CD1B: variants seen among roughly 807,000 people sequenced by gnomAD.
The protein encoded by CD1B is T-cell surface glycoprotein CD1b.
A neutral mutation model predicts 39.8 loss-of-function variants in CD1B; 43 were observed. The ratio of observed to expected loss-of-function variants is 1.08; its 90% CI spans 0.85 to 1.39. CD1B has a LOEUF of 1.39. Ranked by LOEUF, CD1B falls within the 40% of genes most tolerant of loss-of-function variation. The pLI is 0.00. For missense variants in CD1B, 495 were observed against 403.8 expected (o/e 1.23, Z -1.94); for synonymous variants, 192 against 152.5 (o/e 1.26, Z -1.91).
At chr1:158,296,469 G>A in the CD1B span, among the ~76,000 whole-genome samples, 1,363 of 152,256 alleles carry the variant, frequency 9.0e-3, 9 homozygotes, top group Non-Finnish European at 0.013. Flanking sequence ...AACTTTAAAC[G>A]TTTAAGGAAC....
the CD1B span, among the ~76,000 whole-genome samples, chr1:158,314,683 T>C: frequency 6.6e-6 from 1 of 152,100 alleles, no homozygotes; most frequent in East Asian, 1.9e-4. Context: ...ATACTTTAAG[T>C]TTTAGGGTAA....
At chr1:158,299,673 T>C in the CD1B span, among the ~76,000 whole-genome samples, 1 of 152,222 alleles carries the variant, frequency 6.6e-6, no homozygotes, top group Admixed American at 6.5e-5. Context: ...AGCCTGTTAT[T>C]GGTCTATTCA....
the CD1B span, chr1:158,289,950 G>T: frequency 2.2e-6 from 2 of 891,070 alleles, no homozygotes; most frequent in East Asian, 5.1e-5. Flanking sequence ...GTCAGCGGCT[G>T]ATGGGGAAGA....
At chr1:158,290,473 G>T in the CD1B span, among the ~76,000 whole-genome samples, 1 of 152,034 alleles carries the variant, frequency 6.6e-6, no homozygotes, top group Non-Finnish European at 1.5e-5. Flanking sequence ...TCAATGCCAC[G>T]CACCACTTTG....
At chr1:158,320,804 T>G in the CD1B span, among the ~76,000 whole-genome samples, 1 of 152,236 alleles carries the variant, frequency 6.6e-6, no homozygotes, top group South Asian at 2.1e-4. Context: ...CTAATTTCCA[T>G]GTATTTGTAG....
rs769475588 is a variant in CD1B, at chr1:158,331,387, A to C, written c.37T>G (p.Phe13Val). The change falls in exon 1 of 6, where the codon TTT becomes GTT. Residue 13 changes from phenylalanine (F) to valine (V), a missense_variant. Transcript: ENST00000368168. ...LLPFQLLAVLFPGGNSEHAFQ... is the reference protein window; with the variant it reads ...LLPFQLLAVLVPGGNSEHAFQ... The stretch of plus-strand genomic sequence containing the variant: ...CCATGTTCACTGTTACCACCAGGAA[A>C]GAGAACAGCTAACAGTTGAAATGGC... 2 of 1,614,056 alleles carry C rather than the reference A, an allele frequency of 1.2e-6. No homozygotes were observed. The highest frequency in any genetic ancestry group is 1.7e-6 in the Non-Finnish European group (2 of 1,179,922).
the CD1B span, among the ~76,000 whole-genome samples, chr1:158,311,333 A>C: frequency 6.6e-6 from 1 of 152,038 alleles, no homozygotes; most frequent in African/African-American, 2.4e-5. Flanking sequence ...TTCTTTTCAG[A>C]GTTGTCTAAT....
At chr1:158,295,277 G>A in the CD1B span, among the ~76,000 whole-genome samples, 1 of 151,874 alleles carries the variant, frequency 6.6e-6, no homozygotes, top group Non-Finnish European at 1.5e-5. Context: ...GCAGACCCTG[G>A]GCTGAAGGGG....
chr1:158,311,372 AACTT>A, the CD1B span, among the ~76,000 whole-genome samples: 1 of 152,016 alleles, frequency 6.6e-6, no homozygotes, highest in African/African-American at 2.4e-5. Context: ...AAATTTAAAT[AACTT>A]ACTTTTTTGC....
intron 4 of CD1B, 116 bp from the exon 5 acceptor site, chr1:158,329,130 A>G (rs1274660743): frequency 2.0e-6 from 2 of 989,666 alleles, no homozygotes; most frequent in African/African-American, 3.2e-5. Flanking sequence ...CCTCTCTCAT[A>G]TTCCTGGCCA....
chr1:158,307,162 A>C, the CD1B span, among the ~76,000 whole-genome samples: 1 of 152,088 alleles, frequency 6.6e-6, no homozygotes, highest in Non-Finnish European at 1.5e-5. Flanking sequence ...TGAAAAGATC[A>C]ACAAAATTGA....
chr1:158,293,681 C>T, the CD1B span: 1 of 1,215,370 alleles, frequency 8.2e-7, no homozygotes, highest in Admixed American at 2.1e-5. Context: ...CTTCAAAGCC[C>T]ATTTCTGATG....
chr1:158,288,074 A>G, the CD1B span, among the ~76,000 whole-genome samples: 2 of 152,250 alleles, frequency 1.3e-5, no homozygotes, highest in Admixed American at 6.5e-5. Flanking sequence ...GAATAAACAC[A>G]TAATGTGGTA....
At chr1:158,301,807 A>G in the CD1B span, among the ~76,000 whole-genome samples, 1 of 151,898 alleles carries the variant, frequency 6.6e-6, no homozygotes, top group Admixed American at 6.6e-5. Flanking sequence ...TGTTCTCTGT[A>G]TTTCCTGAAT....
downstream of CD1B, among the ~76,000 whole-genome samples, chr1:158,325,099 G>A (rs1026211892): frequency 1.3e-5 from 2 of 151,908 alleles, no homozygotes; most frequent in African/African-American, 2.4e-5. Flanking sequence ...TTCCATCAAG[G>A]TAATAAGATA....
intron 5 of CD1B, 69 bp from the exon 6 acceptor site, chr1:158,328,326 T>C (rs1652436704): frequency 7.8e-7 from 1 of 1,282,632 alleles, no homozygotes; most frequent in Admixed American, 1.9e-5. Flanking sequence ...CATAGTAATA[T>C]TATTCATGAT....
chr1:158,287,320 G>C, the CD1B span, among the ~76,000 whole-genome samples: 4 of 152,118 alleles, frequency 2.6e-5, no homozygotes, highest in African/African-American at 9.7e-5. Context: ...GAGAGCGACA[G>C]GGAGAGACAG....
chr1:158,319,656 C>A, the CD1B span, among the ~76,000 whole-genome samples: 10 of 152,238 alleles, frequency 6.6e-5, no homozygotes, highest in Admixed American at 6.5e-4. Context: ...GCCTTCTTCT[C>A]TCAGCTCGTC....
At chr1:158,309,915 G>A in the CD1B span, among the ~76,000 whole-genome samples, 1 of 151,798 alleles carries the variant, frequency 6.6e-6, no homozygotes, top group African/African-American at 2.4e-5. Flanking sequence ...ACAACAACAT[G>A]GCACATGTAT....
Sources: allele counts gnomAD v4.1 joint callset (sites outside exome capture counted in the v4.1 genomes callset), GRCh38; gene constraint gnomAD v4.1.1; transcripts MANE v1.5; gene names NCBI Gene and HGNC (gene_info 2026-07-23, HGNC 2026-07-21).